Variants in RGL1 observed in about 807,000 individuals in gnomAD.
RGL1 encodes ral guanine nucleotide dissociation stimulator like 1, also known as ral guanine nucleotide dissociation stimulator-like 1.
RGL1 carries 24 observed loss-of-function variants against 95.2 expected under a neutral mutation model. That is an observed-to-expected ratio of 0.25 (90% CI 0.18 to 0.35). The LOEUF (loss-of-function observed/expected upper bound fraction) is 0.35, where lower values mean the gene tolerates loss of function less well. Ranked by LOEUF, RGL1 falls within the 10% of genes least tolerant of loss-of-function variation. The probability of loss-of-function intolerance (pLI) is 1.00; values close to 1 mark genes in which losing one functional copy is unlikely to be tolerated. For missense variants in RGL1, 715 were observed against 936.3 expected (o/e 0.76, Z 3.08); for synonymous variants, 329 against 344.9 (o/e 0.95, Z 0.51).
chr1:183,862,776 A>G (rs975461168), intron 3 of RGL1, among the ~76,000 whole-genome samples: 1 of 152,206 alleles, frequency 6.6e-6, no homozygotes, highest in Non-Finnish European at 1.5e-5. Flanking sequence ...TAGCTATTGC[A>G]TGCCTGTTGG....
chr1:183,839,528 T>C (rs549582868), intron 2 of RGL1, among the ~76,000 whole-genome samples: 33 of 152,342 alleles, frequency 2.2e-4, no homozygotes, highest in African/African-American at 7.9e-4. Flanking sequence ...TTCCTATTAT[T>C]GTACTAGTTA....
Position 183,928,178 on chromosome 1 carries a change from AAAT to A in RGL1, c.*1889_*1891del, listed in dbSNP as rs1047327060. 6.0e-5 allele frequency: 9 copies of A among 150,418 alleles called. No individual in the cohort carries two copies. Among genetic ancestry groups the A allele is most frequent in the Non-Finnish European group, 8.9e-5 (6 of 67,364 alleles). 9.3% of individuals were successfully genotyped at this position (150,418 alleles called of 1,614,324 possible). ...GGTGCGAAGGTAAAAAAAAAAAAAT[AAAT>A]AAAACCATTGGCCTGGTTGAGGGCG... is the stretch of plus-strand genomic sequence containing the variant. On this transcript the variant is annotated 3_prime_UTR_variant, in exon 18 of 18. Coordinates refer to ENST00000360851, the MANE Select transcript of RGL1 (RefSeq NM_001297671.3).
Position 183,892,157 on chromosome 1 carries a change from T to C in RGL1, c.1136T>C (p.Met379Thr), listed in dbSNP as rs771498945. The C allele has an allele frequency of 5.6e-6, 9 of 1,609,180 alleles. No homozygotes were observed. The Admixed American group carries it at 1.5e-4, about 27-fold the overall frequency. Reference sequence around the variant, plus strand: ...CATTTGACCAGCCGAGAACTACTGATGAAGGTGAGGCTCTTAGTGAGGCTG... The same window carrying C: ...CATTTGACCAGCCGAGAACTACTGACGAAGGTGAGGCTCTTAGTGAGGCTG... ...NNHLTSRELL[M>T]KEGTSKFANL... Residue 379 changes from methionine to threonine, a missense_variant, in exon 9 of 18, where the codon ATG becomes ACG. By Grantham distance (81) the Met-to-Thr change is moderately conservative (BLOSUM62 -1). Transcript: ENST00000360851.
At chr1:183,899,783 A>G (rs11807994) in intron 10 of RGL1, among the ~76,000 whole-genome samples, 2,426 of 152,304 alleles carry the variant, frequency 0.016, 80 homozygotes, top group African/African-American at 0.056. Context: ...ACAACAGCCA[A>G]TGGTGAGGCA....
At position 183,831,179 on chromosome 1, in the gene RGL1, G is replaced by T. The variant is rs1412439143; in HGVS notation, c.139-16387G>T. Among the ~76,000 whole-genome samples the T allele has an allele frequency of 2.0e-5, 3 of 152,254 alleles. No homozygotes were observed. The East Asian group carries it at 5.8e-4, about 29-fold the overall frequency. On this transcript the variant is annotated intron_variant, in intron 2 of 17. Transcript: ENST00000360851. The stretch of plus-strand genomic sequence containing the variant: ...GAAGTGTGACACTGACCAGAGGGGT[G>T]CTCTAGGGGGTTTATCTGAGTAAGT...
chr1:183,820,515 G>C (rs1008700099), intron 2 of RGL1, among the ~76,000 whole-genome samples: 2 of 152,120 alleles, frequency 1.3e-5, no homozygotes, highest in Admixed American at 6.5e-5. Context: ...TGTGACAAAC[G>C]TGCAGTGGAA....
intron 1 of RGL1, among the ~76,000 whole-genome samples, chr1:183,662,894 C>T (rs1651748099): frequency 6.6e-6 from 1 of 152,134 alleles, no homozygotes; most frequent in South Asian, 2.1e-4. Context: ...ACAGAGCCCT[C>T]ACAAATAACG....
chr1:183,913,144 A>G (rs1166444996), intron 15 of RGL1, among the ~76,000 whole-genome samples: 3 of 151,334 alleles, frequency 2.0e-5, no homozygotes, highest in Non-Finnish European at 4.4e-5. Flanking sequence ...TAAAAACCAA[A>G]ATATCTTAAT....
At chr1:183,800,568 A>G (rs1386289726), upstream of RGL1, among the ~76,000 whole-genome samples, 1 of 152,216 alleles carries the variant, frequency 6.6e-6, no homozygotes, top group Non-Finnish European at 1.5e-5. Flanking sequence ...TGTACAGTAC[A>G]TTATTGTTAA....
intron 1 of RGL1, among the ~76,000 whole-genome samples, chr1:183,667,393 C>T (rs759761491): frequency 1.3e-5 from 2 of 152,062 alleles, no homozygotes; most frequent in South Asian, 2.1e-4. Context: ...GGCGCGATCT[C>T]GGCTCACCGC....
chr1:183,645,084 A>G (rs1330997746), intron 1 of RGL1, among the ~76,000 whole-genome samples: 1 of 152,174 alleles, frequency 6.6e-6, no homozygotes, highest in Non-Finnish European at 1.5e-5. Context: ...ATAGCACTAA[A>G]CATTTGAGTC....
At chr1:183,779,558 T>C (rs1659790616) in intron 2 of RGL1, among the ~76,000 whole-genome samples, 1 of 152,140 alleles carries the variant, frequency 6.6e-6, no homozygotes, top group African/African-American at 2.4e-5. Context: ...CCAAAATTTC[T>C]TTTTATTATC....
At chr1:183,903,391 AAC>A (rs1257388672) in intron 12 of RGL1, among the ~76,000 whole-genome samples, 1 of 152,178 alleles carries the variant, frequency 6.6e-6, no homozygotes, top group Non-Finnish European at 1.5e-5. Flanking sequence ...TTCAAGATAA[AAC>A]AGTCTTGAAA....
intron 1 of RGL1, among the ~76,000 whole-genome samples, chr1:183,696,161 C>T (rs566125294): frequency 6.6e-4 from 101 of 152,306 alleles, no homozygotes; most frequent in Non-Finnish European, 1.2e-3. Context: ...ATTCTCAGTT[C>T]TCACTTCATG....
At chr1:183,648,873 A>G (rs1026359882) in intron 1 of RGL1, 3 of 998,870 alleles carry the variant, frequency 3.0e-6, no homozygotes, top group African/African-American at 1.6e-5. Flanking sequence ...ACAGTGCATT[A>G]ATTTATTAAA....
At chr1:183,906,025 A>G (rs1668299425) in intron 13 of RGL1, among the ~76,000 whole-genome samples, 1 of 152,200 alleles carries the variant, frequency 6.6e-6, no homozygotes, top group Non-Finnish European at 1.5e-5. Flanking sequence ...TTACAGAAGA[A>G]GTTGGCCCAT....
rs914072084 is a variant in RGL1 at position 183,661,696 on chromosome 1, A to C, written c.-33+25195A>C. Among the ~76,000 whole-genome samples the C allele has an allele frequency of 1.3e-5, 2 of 149,690 alleles. 1 individual carries two copies. Among genetic ancestry groups the C allele is most frequent in the African/African-American group, 5.1e-5 (2 of 39,234 alleles). On this transcript the variant is annotated intron_variant, in intron 1 of 18. Transcript: ENST00000304685. Reference sequence around the variant, plus strand: ...CAATAGAAAAGAGGGAATCCTCCCTAACTCATTTTATGAGGCCAGCATCAT... The same window carrying C: ...CAATAGAAAAGAGGGAATCCTCCCTCACTCATTTTATGAGGCCAGCATCAT...
chr1:183,831,636 T>A (rs1433037012), intron 2 of RGL1, among the ~76,000 whole-genome samples: 1 of 152,252 alleles, frequency 6.6e-6, no homozygotes, highest in Non-Finnish European at 1.5e-5. Flanking sequence ...TATATGTACA[T>A]ATTTTTATTT....
chr1:183,661,491 T>C (rs568330837), intron 1 of RGL1, among the ~76,000 whole-genome samples: 11 of 152,192 alleles, frequency 7.2e-5, no homozygotes, highest in Admixed American at 3.3e-4. Context: ...ACATACACCT[T>C]CCCAAGACTA....
Sources: gnomAD v4.1 joint callset for allele counts (sites outside exome capture counted in the v4.1 genomes callset) on GRCh38, gnomAD v4.1.1 for gene constraint, MANE v1.5 for transcripts, NCBI Gene and HGNC (gene_info 2026-07-23, HGNC 2026-07-21) for gene names.